KIF16B: variants seen among roughly 807,000 people sequenced by gnomAD.
KIF16B encodes kinesin family member 16B.
A neutral mutation model predicts 156.3 loss-of-function variants in KIF16B; 98 were observed. The ratio of observed to expected loss-of-function variants is 0.63; its 90% confidence interval spans 0.53 to 0.74. KIF16B has a LOEUF of 0.74. Among genes scored for constraint, KIF16B ranks in the 30% least tolerant of loss-of-function variants. KIF16B has a pLI of 0.00. For synonymous variants in KIF16B, 564 were observed against 583.7 expected (o/e 0.97, Z 0.49); for missense variants, 1,421 against 1,606.5 (o/e 0.88, Z 1.97).
chr20:16,399,280 C>G (rs959290254), intron 17 of KIF16B, among the ~76,000 whole-genome samples: 10 of 152,142 alleles, frequency 6.6e-5, no homozygotes, highest in African/African-American at 2.4e-4. Flanking sequence ...GAGCACAGGT[C>G]TGGGGTGACA....
At chr20:16,439,101 G>C (rs1442304234) in intron 12 of KIF16B, among the ~76,000 whole-genome samples, 2 of 152,162 alleles carry the variant, frequency 1.3e-5, no homozygotes, top group African/African-American at 4.8e-5. Context: ...TTGGGAAAAA[G>C]AATCAAGTGG....
intron 15 of KIF16B, among the ~76,000 whole-genome samples, chr20:16,419,525 C>G (rs1210651657): frequency 6.6e-6 from 1 of 152,096 alleles, no homozygotes; most frequent in African/African-American, 2.4e-5. Context: ...CCTCTGAGTA[C>G]TTGAATAGAT....
intron 1 of KIF16B, among the ~76,000 whole-genome samples, chr20:16,557,758 G>A (rs2070904228): frequency 6.6e-6 from 1 of 152,138 alleles, no homozygotes; most frequent in African/African-American, 2.4e-5. Flanking sequence ...TATCTGTTTG[G>A]CCTGCATGGT....
chr20:16,380,215 C>T (rs41276370), intron 18 of KIF16B, 52 bp from the exon 19 acceptor site: 31,447 of 1,405,994 alleles, frequency 0.022, 489 homozygotes, highest in South Asian at 0.052. Context: ...TCAAATGTTG[C>T]TCTAACTTTA....
chr20:16,291,711 A>G (rs2063317763), intron 25 of KIF16B, among the ~76,000 whole-genome samples: 2 of 152,344 alleles, frequency 1.3e-5, no homozygotes, highest in South Asian at 4.1e-4. Context: ...CTTTCAAAGT[A>G]AGAAATGTCA....
intron 25 of KIF16B, among the ~76,000 whole-genome samples, chr20:16,286,989 T>A (rs2063232492): frequency 2.6e-5 from 4 of 152,218 alleles, no homozygotes. Context: ...GTGGCGTGTC[T>A]TGATACCACC....
At chr20:16,414,787 G>A (rs540380551) in intron 15 of KIF16B, among the ~76,000 whole-genome samples, 2 of 152,146 alleles carry the variant, frequency 1.3e-5, no homozygotes, top group South Asian at 2.1e-4. Flanking sequence ...CACCTCATGC[G>A]AGAAACAAAA....
chr20:16,292,662 C>T (rs2063330219), intron 25 of KIF16B, among the ~76,000 whole-genome samples: 1 of 152,186 alleles, frequency 6.6e-6, no homozygotes, highest in Non-Finnish European at 1.5e-5. Flanking sequence ...AATGTTGATA[C>T]AAACAATGAG....
At chr20:16,508,671 C>T (rs1365061010) in intron 6 of KIF16B, among the ~76,000 whole-genome samples, 2 of 152,122 alleles carry the variant, frequency 1.3e-5, no homozygotes, top group African/African-American at 2.4e-5. Context: ...TCCTACTGTG[C>T]GACCCACTTC....
chr20:16,542,147 A>G (rs912252623), intron 1 of KIF16B, among the ~76,000 whole-genome samples: 1 of 152,214 alleles, frequency 6.6e-6, no homozygotes, highest in Non-Finnish European at 1.5e-5. Flanking sequence ...GAAGGCAGAT[A>G]CTTTATTTTT....
At chr20:16,278,905 T>A (rs1230657359) in intron 25 of KIF16B, among the ~76,000 whole-genome samples, 2 of 152,196 alleles carry the variant, frequency 1.3e-5, no homozygotes, top group East Asian at 1.9e-4. Flanking sequence ...TTGGGTCAGA[T>A]GCACTGCCTT....
intron 17 of KIF16B, among the ~76,000 whole-genome samples, chr20:16,392,371 C>T (rs960573671): frequency 2.6e-5 from 4 of 152,060 alleles, no homozygotes; most frequent in Non-Finnish European, 4.4e-5. Flanking sequence ...TCCTGAAAAA[C>T]CATTTTGGTG....
chr20:16,341,281 T>G (rs1005574258), intron 23 of KIF16B, among the ~76,000 whole-genome samples: 3 of 152,210 alleles, frequency 2.0e-5, no homozygotes, highest in African/African-American at 7.2e-5. Flanking sequence ...TTTGAGGACC[T>G]GCTATAGTTG....
intron 25 of KIF16B, among the ~76,000 whole-genome samples, chr20:16,284,638 G>A (rs1199150322): frequency 2.0e-5 from 3 of 152,130 alleles, no homozygotes; most frequent in Admixed American, 2.0e-4. Flanking sequence ...TCGCCATGTC[G>A]TGTAGCACAA....
intron 3 of KIF16B, among the ~76,000 whole-genome samples, chr20:16,518,438 G>A (rs6080280): frequency 0.21 from 31,575 of 152,112 alleles, 4,357 homozygotes; most frequent in Non-Finnish European, 0.29. Context: ...CTGATTTCCT[G>A]GGTAATCCAA....
intron 24 of KIF16B, among the ~76,000 whole-genome samples, chr20:16,320,872 T>C (rs918477064): frequency 6.6e-6 from 1 of 152,204 alleles, no homozygotes; most frequent in African/African-American, 2.4e-5. Context: ...ACTAGTGACC[T>C]TAACATTTCA....
intron 17 of KIF16B, among the ~76,000 whole-genome samples, chr20:16,384,490 T>C (rs1034798406): frequency 6.6e-5 from 10 of 152,130 alleles, no homozygotes; most frequent in African/African-American, 2.4e-4. Flanking sequence ...GACATGAAGC[T>C]CAAGAGGACA....
intron 19 of KIF16B, 92 bp downstream of exon 19, chr20:16,378,711 TAA>T (rs5840714): frequency 5.7e-3 from 6,279 of 1,102,158 alleles, no homozygotes; most frequent in East Asian, 0.026. Context: ...AAGAATAAGT[TAA>T]AAAAAAAAAA....
chr20:16,453,197 G>A (rs1484114578), intron 12 of KIF16B, among the ~76,000 whole-genome samples: 1 of 151,832 alleles, frequency 6.6e-6, no homozygotes, highest in East Asian at 1.9e-4. Flanking sequence ...TTGAGCCTAG[G>A]AGCTCAAGGC....
Sources: allele counts gnomAD v4.1 joint callset (sites outside exome capture counted in the v4.1 genomes callset), GRCh38; gene constraint gnomAD v4.1.1; transcripts MANE v1.5; gene names NCBI Gene and HGNC (gene_info 2026-07-23, HGNC 2026-07-21).